Variants in FAM98B observed in about 807,000 individuals in gnomAD.
The protein encoded by FAM98B is tRNA splicing ligase complex subunit 3B.
In FAM98B, 32 loss-of-function variants were observed where a neutral mutation model predicts 43.9. That is an observed-to-expected ratio of 0.73 (90% CI 0.55 to 0.98). The LOEUF is 0.98. Ranked by LOEUF, FAM98B falls within the 50% of genes least tolerant of loss-of-function variation. FAM98B has a pLI of 0.00. For synonymous variants in FAM98B, 190 were observed against 174.0 expected (o/e 1.09, Z -0.72); for missense variants, 514 against 522.9 (o/e 0.98, Z 0.17).
intron 1 of FAM98B, among the ~76,000 whole-genome samples, chr15:38,454,547 C>G (rs1209604640): frequency 6.6e-6 from 1 of 152,190 alleles, no homozygotes; most frequent in East Asian, 1.9e-4. Context: ...AGCTCGCGCC[C>G]GCAGGTGATA....
intron 1 of FAM98B, among the ~76,000 whole-genome samples, chr15:38,461,658 C>T (rs1002925300): frequency 1.3e-5 from 2 of 152,008 alleles, no homozygotes; most frequent in Non-Finnish European, 1.5e-5. Flanking sequence ...AATACTTGTA[C>T]TTACCCTTCA....
chr15:38,481,472 T>G lies in FAM98B; in HGVS notation c.897+13T>G, dbSNP rs771662477. ...TGCCATTAATAAGGTTGGTGTTTCTTTCAGTACAGTGGAAAATGAATTGAT... is the reference window on the plus strand; with the variant it reads ...TGCCATTAATAAGGTTGGTGTTTCTGTCAGTACAGTGGAAAATGAATTGAT... On this transcript the variant is annotated intron_variant, in intron 7 of 7. Coordinates refer to ENST00000397609, the MANE Select transcript of FAM98B (RefSeq NM_173611.4). The G allele has an allele frequency of 6.2e-7, 1 of 1,614,186 alleles. No homozygotes were observed. The highest frequency in any genetic ancestry group is 1.1e-5 in the South Asian group (1 of 91,082).
In FAM98B at chr15:38,484,306, C is replaced by T. The variant is rs911512676; in HGVS notation, c.949C>T (p.Pro317Ser). 2.6e-5 allele frequency: 41 copies of T among 1,548,140 alleles called. No individual in the cohort carries two copies. The highest frequency in any genetic ancestry group is 3.2e-5 in the Non-Finnish European group (37 of 1,146,638). The change falls in exon 8 of 8, where the codon CCA becomes TCA. Residue 317 changes from proline to serine, a missense_variant. By Grantham distance (74) the Pro-to-Ser change is moderately conservative. This residue lies in a region of FAM98B where 469 missense variants were observed against 451.8 expected (regional missense o/e 1.04). Coordinates refer to ENST00000397609, the MANE Select transcript of FAM98B (RefSeq NM_173611.4). ...DRGGRPNEIE[P>S]PPPEMPPWQK... ...GGGAGGCCGGCCGAATGAAATTGAA[C>T]CACCACCTCCAGAAATGCCCCCTTG... is the stretch of plus-strand genomic sequence containing the variant.
chr15:38,469,183 G>A (rs1890085300), intron 3 of FAM98B, among the ~76,000 whole-genome samples: 1 of 137,866 alleles, frequency 7.3e-6, no homozygotes, highest in Non-Finnish European at 1.6e-5. Context: ...TGGGATTATA[G>A]GTGTGAGCCA....
intron 6 of FAM98B, 99 bp from the exon 7 acceptor site, chr15:38,481,193 G>A (rs1890278190): frequency 3.1e-6 from 3 of 970,990 alleles, no homozygotes; most frequent in Non-Finnish European, 4.6e-6. Flanking sequence ...CCTTGCTTAT[G>A]CATTATCTCC....
intron 7 of FAM98B, 158 bp downstream of exon 7, chr15:38,481,617 A>T: frequency 6.4e-7 from 1 of 1,574,576 alleles, no homozygotes; most frequent in Non-Finnish European, 8.6e-7. Context: ...ATTTTTGTGT[A>T]TGTGTGTATG....
At chr15:38,456,357 T>C (rs749121172) in intron 1 of FAM98B, among the ~76,000 whole-genome samples, 1 of 152,214 alleles carries the variant, frequency 6.6e-6, no homozygotes, top group Admixed American at 6.5e-5. Context: ...TACCATAGAC[T>C]GACCGAATCA....
At chr15:38,467,307 C>A (rs60727088) in intron 3 of FAM98B, among the ~76,000 whole-genome samples, 1,929 of 152,120 alleles carry the variant, frequency 0.013, 44 homozygotes, top group African/African-American at 0.044. Flanking sequence ...ATTAAAAGGG[C>A]CAAATCCTGT....
intron 3 of FAM98B, 44 bp downstream of exon 3, chr15:38,465,447 TTTA>T: frequency 1.3e-6 from 2 of 1,501,660 alleles, no homozygotes; most frequent in Non-Finnish European, 8.9e-7. Flanking sequence ...TGACATGGTT[TTTA>T]TTATTTTCAA....
In FAM98B at chr15:38,484,407, TG is replaced by T; in HGVS notation, c.1055del (p.Gly352ValfsTer88). On this transcript the variant is annotated frameshift_variant, in exon 8 of 8. Coordinates refer to ENST00000397609, the MANE Select transcript of FAM98B (RefSeq NM_173611.4). LOFTEE classifies it low-confidence loss of function (END_TRUNC). ...GTGGAGGTGGTGGTAGAGGAGGTGG[TG>T]GGGGTGGGGGTGGGAGAGGTGGCTG... ...GGGGGGRGGG[G>X]GGGGRGGWGG... is the part of the protein sequence containing the mutation. 1.0e-5 allele frequency: 3 copies of T among 296,920 alleles called. No homozygotes were observed. The highest frequency in any genetic ancestry group is 1.3e-5 in the Non-Finnish European group (3 of 225,840). 18.4% of individuals were successfully genotyped at this position (296,920 alleles called of 1,614,324 possible).
chr15:38,484,803 T>A lies in FAM98B; in HGVS notation c.*144T>A. ...TACCACTCTTGAATTGGTTAATATGTAAGAACATTGTTTTTTATTACCAGT... is the reference window on the plus strand; with the variant it reads ...TACCACTCTTGAATTGGTTAATATGAAAGAACATTGTTTTTTATTACCAGT... On this transcript the variant is annotated 3_prime_UTR_variant, in exon 8 of 8. Coordinates refer to ENST00000397609, the MANE Select transcript of FAM98B (RefSeq NM_173611.4). 1 of 1,259,540 alleles carries A rather than the reference T, an allele frequency of 7.9e-7. No individual in the cohort carries two copies. Among genetic ancestry groups the A allele is most frequent in the South Asian group, 2.0e-5 (1 of 49,842 alleles). 78.0% of individuals were successfully genotyped at this position (1,259,540 alleles called of 1,614,324 possible).
At chr15:38,457,091 G>C (rs1319480502) in intron 1 of FAM98B, among the ~76,000 whole-genome samples, 1 of 152,242 alleles carries the variant, frequency 6.6e-6, no homozygotes, top group African/African-American at 2.4e-5. Flanking sequence ...TGAAAGAAAT[G>C]ATGGTTGCTT....
At position 38,454,227 on chromosome 15, in the gene FAM98B, G is replaced by T. The variant is rs369333343; in HGVS notation, c.66G>T (p.Ala22=). ...MEGDVLDTLE[A]LGYKGPLLEE... ...GAGACGTGCTGGACACACTGGAGGC[G>T]CTGGGGTGAGTGCTTTTGGAGACGC... Residue 22 remains alanine (A), a synonymous_variant, in exon 1 of 8, where the codon GCG becomes GCT. Transcript: ENST00000397609. 7.1e-5 allele frequency: 113 copies of T among 1,601,668 alleles called. No individual in the cohort carries two copies. Among genetic ancestry groups the T allele is most frequent in the Non-Finnish European group, 9.4e-5 (110 of 1,175,570 alleles).
chr15:38,460,785 A>G (rs1482966897), intron 1 of FAM98B, among the ~76,000 whole-genome samples: 2 of 152,192 alleles, frequency 1.3e-5, no homozygotes, highest in Non-Finnish European at 2.9e-5. Context: ...GTTAGCTATG[A>G]TTATGGCCAT....
Position 38,481,400 on chromosome 15 carries a change from A to C in FAM98B, c.838A>C (p.Lys280Gln), listed in dbSNP as rs1446331224. 1 of 1,614,090 alleles carries C rather than the reference A, an allele frequency of 6.2e-7. No individual in the cohort carries two copies. Among genetic ancestry groups the C allele is most frequent in the African/African-American group, 1.3e-5 (1 of 74,936 alleles). ...HLLAAREDLS[K>Q]IIRTSSGTSR... ...ACTTGCTGCTCGTGAAGATCTATCC[A>C]AGATCATTAGGACAAGTAGTGGCAC... The change falls in exon 7 of 8, where the codon AAG becomes CAG. Residue 280 changes from lysine (K) to glutamine (Q), a missense_variant. Lys to Gln is a moderately conservative substitution (Grantham distance 53). Coordinates refer to ENST00000397609, the MANE Select transcript of FAM98B (RefSeq NM_173611.4).
intron 1 of FAM98B, chr15:38,459,331 C>A: frequency 2.1e-6 from 1 of 487,424 alleles, no homozygotes; most frequent in South Asian, 1.5e-5. Flanking sequence ...GGAGCAGATC[C>A]GACTTAGCAG....
At chr15:38,458,772 A>G (rs1471893645) in intron 1 of FAM98B, 3 of 384,898 alleles carry the variant, frequency 7.8e-6, no homozygotes, top group South Asian at 2.2e-5. Context: ...GCCCCTACCC[A>G]AGGCTGGTAT....
Position 38,484,675 on chromosome 15 carries a change from G to C in FAM98B, c.*16G>C. 1 of 1,509,334 alleles carries C rather than the reference G, an allele frequency of 6.6e-7. No homozygotes were observed. The highest frequency in any genetic ancestry group is 2.6e-5 in the East Asian group (1 of 39,048). The allele number at this position is 1,509,334 out of a possible 1,614,324, so 93.5% of individuals were successfully genotyped here. A position where few individuals can be genotyped will look rare whatever the true frequency, so the allele number is the denominator to read the frequency against. On this transcript the variant is annotated 3_prime_UTR_variant, in exon 8 of 8. Coordinates refer to ENST00000397609, the MANE Select transcript of FAM98B (RefSeq NM_173611.4). ...AAGATACTAAAAACTATAAAAATTA[G>C]ATAGCAGTGCTTGCTTCTTTATAGA...
chr15:38,463,465 A>G (rs537914392), intron 1 of FAM98B, among the ~76,000 whole-genome samples: 7 of 151,458 alleles, frequency 4.6e-5, no homozygotes, highest in Non-Finnish European at 8.8e-5. Context: ...TACTCCTGCC[A>G]GGGTGACAGA....
Sources: allele counts gnomAD v4.1 joint callset (sites outside exome capture counted in the v4.1 genomes callset), GRCh38; gene constraint gnomAD v4.1.1; regional missense constraint gnomAD v4.1.1; transcripts MANE v1.5; gene names NCBI Gene and HGNC (gene_info 2026-07-23, HGNC 2026-07-21).